Variants in PALS2 observed in about 807,000 individuals in gnomAD.
PALS2 encodes protein PALS2.
PALS2 carries 27 observed loss-of-function variants against 61.6 expected under a neutral mutation model. The ratio of observed to expected loss-of-function variants is 0.44; its 90% CI spans 0.32 to 0.60. PALS2 has a LOEUF of 0.60. Ranked by LOEUF, PALS2 falls within the 20% of genes least tolerant of loss-of-function variation. The pLI, the probability that PALS2 is intolerant of heterozygous loss-of-function variation, is 0.05. For synonymous variants in PALS2, 236 were observed against 218.6 expected (o/e 1.08, Z -0.70); for missense variants, 554 against 639.4 (o/e 0.87, Z 1.44).
rs148818379 is a variant in PALS2, at chr7:24,607,812, C to G, written c.-2-15854C>G. Among the ~76,000 whole-genome samples the G allele has an allele frequency of 5.7e-3, 869 of 151,850 alleles. 17 individuals are homozygous for G. Among genetic ancestry groups the G allele is most frequent in the African/African-American group, 0.02 (845 of 41,418 alleles). On this transcript the variant is annotated intron_variant, in intron 1 of 11. Transcript: ENST00000222644. ...TTTGATGCATGCATACAATGAAGTA[C>G]TAGGTATCTCTAAAAGAATGAGCTT...
intron 3 of PALS2, among the ~76,000 whole-genome samples, chr7:24,642,516 A>C (rs1315436801): frequency 6.6e-6 from 1 of 152,148 alleles, no homozygotes; most frequent in African/African-American, 2.4e-5. Flanking sequence ...ATCCCCGATA[A>C]ATACATCCAG....
In PALS2 at chr7:24,665,685, C is replaced by G; in HGVS notation, c.881C>G (p.Ser294Ter). ...KAFVRRDWDNSGPFCGTISSK... is the reference protein window; with the variant it reads ...KAFVRRDWDN ...TTTGTTAGAAGAGACTGGGACAATT[C>G]AGGTGATGAGCTCGACACAATAAGT... The change falls in exon 7 of 12, where the codon TCA becomes TGA. Residue 294 changes from serine (S) to a stop codon, truncating the protein, a stop_gained and splice_region_variant. Transcript: ENST00000222644. LOFTEE classifies it high-confidence loss of function. 1 of 1,612,652 alleles carries G rather than the reference C, an allele frequency of 6.2e-7. No homozygotes were observed. Among genetic ancestry groups the G allele is most frequent in the Non-Finnish European group, 8.5e-7 (1 of 1,178,782 alleles).
intron 9 of PALS2, among the ~76,000 whole-genome samples, chr7:24,669,902 A>G (rs1367263140): frequency 2.0e-5 from 3 of 152,214 alleles, no homozygotes; most frequent in Non-Finnish European, 2.9e-5. Context: ...CTTGTGAAGT[A>G]AAAAGTTTTT....
At chr7:24,610,305 G>C (rs961432175) in intron 1 of PALS2, among the ~76,000 whole-genome samples, 2 of 152,116 alleles carry the variant, frequency 1.3e-5, no homozygotes, top group Non-Finnish European at 2.9e-5. Flanking sequence ...CCACTGTGCT[G>C]TATCACCTTT....
rs545544708 is a variant in PALS2 at position 24,622,123 on chromosome 7, C to G, written c.-2-1543C>G. Among the ~76,000 whole-genome samples the G allele has an allele frequency of 2.6e-5, 4 of 151,938 alleles. No homozygotes were observed. The South Asian group carries it at 6.2e-4, about 24-fold the overall frequency. Reference sequence around the variant, plus strand: ...GTGTGAGGTCTCCAACTTTGTTGTTCTTTTTGAAGACTCTTTTGGCTATTC... The same window carrying G: ...GTGTGAGGTCTCCAACTTTGTTGTTGTTTTTGAAGACTCTTTTGGCTATTC... On this transcript the variant is annotated intron_variant, in intron 1 of 11. Transcript: ENST00000222644.
intron 11 of PALS2, among the ~76,000 whole-genome samples, chr7:24,681,099 A>G (rs1787902269): frequency 6.6e-6 from 1 of 152,104 alleles, no homozygotes; most frequent in Non-Finnish European, 1.5e-5. Flanking sequence ...GAACGCCTTC[A>G]TTTTACTAGT....
chr7:24,672,780 CT>C (rs1382414881), intron 9 of PALS2, among the ~76,000 whole-genome samples: 2 of 152,072 alleles, frequency 1.3e-5, no homozygotes, highest in African/African-American at 4.8e-5. Context: ...CTCATTGATT[CT>C]AATGATGATT....
At chr7:24,629,712 C>G (rs1449675802) in intron 2 of PALS2, among the ~76,000 whole-genome samples, 1 of 152,066 alleles carries the variant, frequency 6.6e-6, no homozygotes, top group Admixed American at 6.6e-5. Flanking sequence ...ATGCAGCCAG[C>G]AGACACATGA....
chr7:24,674,836 A>G (rs1387219625), intron 9 of PALS2, among the ~76,000 whole-genome samples: 2 of 131,642 alleles, frequency 1.5e-5, no homozygotes, highest in Non-Finnish European at 3.0e-5. Context: ...CCTGTTTTCA[A>G]TTTAACATTG....
chr7:24,623,756 A>T lies in PALS2; in HGVS notation c.89A>T (p.Glu30Val). 1 of 1,592,124 alleles carries T rather than the reference A, an allele frequency of 6.3e-7. No homozygotes were observed. The highest frequency in any genetic ancestry group is 8.6e-7 in the Non-Finnish European group (1 of 1,164,082). The change falls in exon 2 of 12, where the codon GAG becomes GTG. Residue 30 changes from glutamate to valine, a missense_variant. Physicochemically the swap from Glu to Val is moderately radical, Grantham distance 121. Transcript: ENST00000222644. Reference protein sequence around the residue: ...IDLIFLKGIMENPIVKSLAKA... With the variant: ...IDLIFLKGIMVNPIVKSLAKA... ...CTAATTTTCCTCAAGGGAATTATGG[A>T]GAATCCTATTGTAAAATCACTTGCT...
intron 9 of PALS2, among the ~76,000 whole-genome samples, chr7:24,676,077 T>C (rs1429652446): frequency 5.4e-5 from 8 of 149,122 alleles, no homozygotes; most frequent in Middle Eastern, 3.6e-3. Flanking sequence ...TTTTAATGAT[T>C]GCCATTCTAA....
intron 8 of PALS2, chr7:24,667,085 A>T (rs1033318478): frequency 6.6e-6 from 1 of 152,180 alleles, no homozygotes. Flanking sequence ...GAAATTGTGC[A>T]AAGAAAGAGT....
In PALS2 at chr7:24,687,288, C is replaced by A. The variant is rs946886214; in HGVS notation, c.1447-150C>A. 3.4e-6 allele frequency: 2 copies of A among 595,764 alleles called. No homozygotes were observed. The highest frequency in any genetic ancestry group is 3.7e-5 in the Admixed American group (1 of 27,274). The allele number at this position is 595,764 out of a possible 1,614,324, so 36.9% of individuals were successfully genotyped here. A position where few individuals can be genotyped will look rare whatever the true frequency, so the allele number is the denominator to read the frequency against. Reference sequence around the variant, plus strand: ...AGACATGAACAGATGGCAGTGTTGTCTTTAACACTATATGGATTAGATTTT... The same window carrying A: ...AGACATGAACAGATGGCAGTGTTGTATTTAACACTATATGGATTAGATTTT... On this transcript the variant is annotated intron_variant, in intron 11 of 11. Transcript: ENST00000222644. This position sits in a 1 kb window ranked among gnomAD's most constrained non-coding sequence, Gnocchi z 4.5.
intron 2 of PALS2, among the ~76,000 whole-genome samples, chr7:24,633,984 A>T (rs1785124309): frequency 6.6e-6 from 1 of 152,106 alleles, no homozygotes; most frequent in Admixed American, 6.5e-5. Flanking sequence ...AATGATATTG[A>T]GCATCTTTTC....
chr7:24,575,571 A>G (rs1362900766), intron 1 of PALS2, among the ~76,000 whole-genome samples: 2 of 152,212 alleles, frequency 1.3e-5, no homozygotes, highest in Non-Finnish European at 2.9e-5. Context: ...AAGTTGTTTT[A>G]AAATTGAAGT....
intron 9 of PALS2, among the ~76,000 whole-genome samples, chr7:24,671,978 C>T (rs1400867439): frequency 1.3e-5 from 2 of 151,576 alleles, no homozygotes; most frequent in East Asian, 2.0e-4. Flanking sequence ...GAATTGTGAA[C>T]CCAACTTGTT....
intron 3 of PALS2, among the ~76,000 whole-genome samples, chr7:24,647,971 G>A (rs569291182): frequency 1.3e-5 from 2 of 152,286 alleles, no homozygotes; most frequent in South Asian, 4.1e-4. Flanking sequence ...CAAGTCACAG[G>A]AGTAAATGAA....
intron 9 of PALS2, 94 bp from the exon 10 acceptor site, chr7:24,679,037 C>A: frequency 9.5e-7 from 1 of 1,054,092 alleles, no homozygotes; most frequent in Non-Finnish European, 1.4e-6. Flanking sequence ...TTGCTGCACC[C>A]AGTGGAAAAA....
At chr7:24,668,818 A>T (rs1022277976) in intron 9 of PALS2, among the ~76,000 whole-genome samples, 158 bp downstream of exon 9, 1 of 152,200 alleles carries the variant, frequency 6.6e-6, no homozygotes, top group Non-Finnish European at 1.5e-5. Context: ...AAATTTAGTA[A>T]TTCTGTAGCT....
Sources: allele counts gnomAD v4.1 joint callset (sites outside exome capture counted in the v4.1 genomes callset), GRCh38; gene constraint gnomAD v4.1.1; non-coding constraint Gnocchi (gnomAD v3.1); transcripts MANE v1.5; gene names NCBI Gene and HGNC (gene_info 2026-07-23, HGNC 2026-07-21).